CSF2RB: variants seen among roughly 807,000 people sequenced by gnomAD.
CSF2RB encodes the protein colony stimulating factor 2 receptor subunit beta.
CSF2RB carries 22 observed loss-of-function variants against 67.2 expected under a neutral mutation model. That is an observed-to-expected ratio of 0.33 (90% CI 0.23 to 0.47). CSF2RB has a LOEUF of 0.47. Among genes scored for constraint, CSF2RB ranks in the 20% least tolerant of loss-of-function variants. The pLI is 1.00. For missense variants in CSF2RB, 1,113 were observed against 1,174.5 expected (o/e 0.95, Z 0.76); for synonymous variants, 507 against 482.9 (o/e 1.05, Z -0.65).
intron 4 of CSF2RB, among the ~76,000 whole-genome samples, chr22:36,928,986 C>T (rs920851105): frequency 6.6e-6 from 1 of 152,160 alleles, no homozygotes; most frequent in East Asian, 1.9e-4. Flanking sequence ...TTGCCCGGGG[C>T]ACTGACAACA....
intron 6 of CSF2RB, 47 bp downstream of exon 6, chr22:36,929,854 C>T (rs1941111651): frequency 2.5e-6 from 4 of 1,590,328 alleles, no homozygotes; most frequent in Non-Finnish European, 2.6e-6. Flanking sequence ...GGAGGGCAGG[C>T]TCATCAGGAG....
At chr22:36,936,801 G>A in intron 13 of CSF2RB, 149 bp downstream of exon 13, 1 of 630,936 alleles carries the variant, frequency 1.6e-6, no homozygotes, top group Non-Finnish European at 2.7e-6. Flanking sequence ...GGAGGCACCT[G>A]GGGGGGATGT....
rs1444823773 is a variant in CSF2RB, at chr22:36,938,353, A to G, written c.2545A>G (p.Lys849Glu). The change falls in exon 14 of 14, where the codon AAG becomes GAG. Residue 849 changes from lysine (K) to glutamate (E), a missense_variant. Coordinates refer to ENST00000403662, the MANE Select transcript of CSF2RB (RefSeq NM_000395.3). ...PSSPGPGPEI[K>E]NLDQAFQVKK... ...TTCCCCGGGACCCGGTCCTGAGATCAAGAACCTAGACCAGGCTTTTCAAGT... is the reference window on the plus strand; with the variant it reads ...TTCCCCGGGACCCGGTCCTGAGATCGAGAACCTAGACCAGGCTTTTCAAGT... The G allele has an allele frequency of 3.7e-6, 6 of 1,614,146 alleles. No homozygotes were observed. Among genetic ancestry groups the G allele is most frequent in the East Asian group, 2.2e-5 (1 of 44,884 alleles).
rs369896556 is a variant in CSF2RB, at chr22:36,937,439, A to G, written c.1631A>G (p.His544Arg). 3.8e-5 allele frequency: 61 copies of G among 1,613,898 alleles called. No individual in the cohort carries two copies. The highest frequency in any genetic ancestry group is 4.9e-5 in the Non-Finnish European group (58 of 1,179,974). The change falls in exon 14 of 14, where the codon CAT becomes CGT. Residue 544 changes from histidine to arginine, a missense_variant. Coordinates refer to ENST00000403662, the MANE Select transcript of CSF2RB (RefSeq NM_000395.3). This position sits in a 1 kb window ranked among gnomAD's most constrained non-coding sequence, Gnocchi z 4.6. ...CCTCTCACCATAGAGGACCCCAAGCATGTCTGTGATCCACCATCTGGGCCT... is the reference window on the plus strand; with the variant it reads ...CCTCTCACCATAGAGGACCCCAAGCGTGTCTGTGATCCACCATCTGGGCCT... ...VSPLTIEDPK[H>R]VCDPPSGPDT...
At chr22:36,928,315 T>C (rs1019965616) in intron 4 of CSF2RB, among the ~76,000 whole-genome samples, 5 of 152,054 alleles carry the variant, frequency 3.3e-5, no homozygotes, top group Admixed American at 6.5e-5. Context: ...GTCTGCGCAG[T>C]TTGTGGCAGC....
At chr22:36,932,671 A>C (rs2145812782) in intron 8 of CSF2RB, 94 bp from the exon 9 acceptor site, 1 of 1,450,826 alleles carries the variant, frequency 6.9e-7, no homozygotes. Context: ...GTCTGGTGCC[A>C]GTGGAGACAG....
Position 36,937,247 on chromosome 22 carries a change from T to C in CSF2RB, c.1569-130T>C, listed in dbSNP as rs1941285900. 8.5e-7 allele frequency: 1 copy of C among 1,174,900 alleles called. No individual in the cohort carries two copies. Among genetic ancestry groups the C allele is most frequent in the Non-Finnish European group, 1.2e-6 (1 of 815,036 alleles). 72.8% of individuals were successfully genotyped at this position (1,174,900 alleles called of 1,614,324 possible). A position where few individuals can be genotyped will look rare whatever the true frequency, so the allele number is the denominator to read the frequency against. ...CTCCCTCAACCCTGTCCCGTTCAGG[T>C]TCTCTCTGTGAGATCTGGGGGACAT... On this transcript the variant is annotated intron_variant, in intron 13 of 13. Transcript: ENST00000403662. This position sits in a 1 kb window ranked among gnomAD's most constrained non-coding sequence, Gnocchi z 4.6.
chr22:36,920,993 G>T (rs1050261186), intron 1 of CSF2RB, among the ~76,000 whole-genome samples: 4 of 151,760 alleles, frequency 2.6e-5, no homozygotes, highest in Admixed American at 2.6e-4. Context: ...GATTCTGTGT[G>T]TGTGTATGTG....
chr22:36,933,932 G>A lies in CSF2RB; in HGVS notation c.1253G>A (p.Arg418His), dbSNP rs780360588. 3.0e-5 allele frequency: 49 copies of A among 1,612,352 alleles called. No homozygotes were observed. The South Asian group carries it at 3.2e-4, about 10-fold the overall frequency. The change falls in exon 10 of 14, where the codon CGC (arginine) becomes CAC (histidine). Residue 418 changes from arginine to histidine, a missense_variant. This residue lies in a region of CSF2RB where 559 missense variants were observed against 656.5 expected (regional missense o/e 0.85). Coordinates refer to ENST00000403662, the MANE Select transcript of CSF2RB (RefSeq NM_000395.3). Reference sequence around the variant, plus strand: ...GCCAGGGTGAGGGTCAGGACCTCCCGCACCGGCTACAACGGGATCTGGAGC... The same window carrying A: ...GCCAGGGTGAGGGTCAGGACCTCCCACACCGGCTACAACGGGATCTGGAGC... Reference protein sequence around the residue: ...YWARVRVRTSRTGYNGIWSEW... With the variant: ...YWARVRVRTSHTGYNGIWSEW...
In CSF2RB at chr22:36,938,622, G is replaced by C; in HGVS notation, c.*120G>C. Reference sequence around the variant, plus strand: ...CTCCTGTCAAGGTAGCTAGAGGCCTGGGAAAGGAGATAGCCTTGCTCCGGC... The same window carrying C: ...CTCCTGTCAAGGTAGCTAGAGGCCTCGGAAAGGAGATAGCCTTGCTCCGGC... On this transcript the variant is annotated 3_prime_UTR_variant, in exon 14 of 14. Coordinates refer to ENST00000403662, the MANE Select transcript of CSF2RB (RefSeq NM_000395.3). 8.9e-7 allele frequency: 1 copy of C among 1,123,042 alleles called. No homozygotes were observed. The highest frequency in any genetic ancestry group is 1.2e-6 in the Non-Finnish European group (1 of 807,414). The allele number at this position is 1,123,042 out of a possible 1,614,324, so 69.6% of individuals were successfully genotyped here.
Position 36,937,765 on chromosome 22 carries a change from G to A in CSF2RB, c.1957G>A (p.Glu653Lys), listed in dbSNP as rs1250802314. 3 of 1,576,306 alleles carry A rather than the reference G, an allele frequency of 1.9e-6. No individual in the cohort carries two copies. Among genetic ancestry groups the A allele is most frequent in the Non-Finnish European group, 2.6e-6 (3 of 1,160,830 alleles). The part of the protein sequence containing the change: ...AQAMGPGQAV[E>K]VERRPSQGAA... ...GGCGATGGGACCAGGACAGGCCGTG[G>A]AAGTGGAGAGAAGGCCGAGCCAGGG... Residue 653 changes from glutamate (E) to lysine (K), a missense_variant, in exon 14 of 14, where the codon GAA (glutamate) becomes AAA (lysine). Glu to Lys is a moderately conservative substitution (Grantham distance 56, BLOSUM62 1). Coordinates refer to ENST00000403662, the MANE Select transcript of CSF2RB (RefSeq NM_000395.3). The surrounding 1 kb of genome is among the most constrained non-coding windows in gnomAD (Gnocchi z 4.6).
intron 4 of CSF2RB, among the ~76,000 whole-genome samples, chr22:36,926,496 G>A (rs1030521387): frequency 6.6e-6 from 1 of 152,232 alleles, no homozygotes; most frequent in Non-Finnish European, 1.5e-5. Context: ...CCGCTTAGTT[G>A]TTTCATCTCA....
At position 36,939,527 on chromosome 22, in the gene CSF2RB, T is replaced by C; in HGVS notation, c.*1025T>C. The C allele has an allele frequency of 2.8e-6, 1 of 350,934 alleles. No homozygotes were observed. Among genetic ancestry groups the C allele is most frequent in the Non-Finnish European group, 5.3e-6 (1 of 189,400 alleles). The allele number at this position is 350,934 out of a possible 1,614,324, so 21.7% of individuals were successfully genotyped here. On this transcript the variant is annotated 3_prime_UTR_variant, in exon 14 of 14. Transcript: ENST00000403662. ...AGGGATTATGGTTCTTTTAAATCTT[T>C]GCCTTTCAGATACAGGAAAAATAAT...
chr22:36,923,004 G>A (rs1940915167), intron 2 of CSF2RB, among the ~76,000 whole-genome samples: 3 of 152,172 alleles, frequency 2.0e-5, no homozygotes, highest in South Asian at 2.1e-4. Flanking sequence ...ACACTGCGGA[G>A]GCCCAGAAAC....
chr22:36,938,299 G>A lies in CSF2RB; in HGVS notation c.2491G>A (p.Gly831Ser), dbSNP rs558205050. 572 of 1,614,172 alleles carry A rather than the reference G, an allele frequency of 3.5e-4. 6 individuals carry two copies. In the South Asian group the frequency reaches 5.7e-3, roughly 16 times the overall value. ...TTGCTTCCTCCCCGGCCTGGGGCCC[G>A]GCCCTCTCTCGCTCCGGAGTAAACC... ...DYCFLPGLGP[G>S]PLSLRSKPSS... The change falls in exon 14 of 14, where the codon GGC becomes AGC. Residue 831 changes from glycine to serine, a missense_variant. Around this residue, in one of 2 missense-constraint regions of CSF2RB, gnomAD observed 554 missense variants for 517.9 expected, o/e 1.07. Coordinates refer to ENST00000403662, the MANE Select transcript of CSF2RB (RefSeq NM_000395.3).
rs1028413598 is a variant in CSF2RB at position 36,934,371 on chromosome 22, G to A, written c.1315+377G>A. ...CCTTCCCTCCCTTGGACCACTAGTCGTTGGAAAGTGACACCTGGTGTTCAG... is the reference window on the plus strand; with the variant it reads ...CCTTCCCTCCCTTGGACCACTAGTCATTGGAAAGTGACACCTGGTGTTCAG... On this transcript the variant is annotated intron_variant, in intron 10 of 13. Transcript: ENST00000403662. 1.4e-4 allele frequency among the ~76,000 whole-genome samples: 21 copies of A among 152,292 alleles called. 1 individual carries two copies. The highest frequency in any genetic ancestry group is 3.4e-3 in the Middle Eastern group (1 of 294).
Position 36,940,285 on chromosome 22 carries a change from A to G in CSF2RB, c.*1783A>G, listed in dbSNP as rs1237312890. 2.0e-5 allele frequency: 3 copies of G among 152,256 alleles called. No homozygotes were observed. Among genetic ancestry groups the G allele is most frequent in the Non-Finnish European group, 4.4e-5 (3 of 68,052 alleles). The allele number at this position is 152,256 out of a possible 1,614,324, so 9.4% of individuals were successfully genotyped here. On this transcript the variant is annotated 3_prime_UTR_variant, in exon 14 of 14. Transcript: ENST00000403662. ...TGAATGTTCAATGGTCCTGAAATACATAACAACATTTTAGTACATTGTAAA... is the reference window on the plus strand; with the variant it reads ...TGAATGTTCAATGGTCCTGAAATACGTAACAACATTTTAGTACATTGTAAA...
Position 36,938,068 on chromosome 22 carries a change from G to A in CSF2RB, c.2260G>A (p.Gly754Arg). Residue 754 changes from glycine (G) to arginine (R), a missense_variant, in exon 14 of 14, where the codon GGA becomes AGA. Transcript: ENST00000403662. ...LCPGLASGPP[G>R]APGPVKSGFE... ...TCCTGGGCTGGCCAGTGGACCCCCT[G>A]GAGCCCCAGGCCCTGTGAAGTCAGG... 1.2e-6 allele frequency: 2 copies of A among 1,614,114 alleles called. No individual in the cohort carries two copies. Among genetic ancestry groups the A allele is most frequent in the Non-Finnish European group, 1.7e-6 (2 of 1,180,010 alleles).
At chr22:36,929,900 G>A in intron 6 of CSF2RB, 93 bp downstream of exon 6, 2 of 1,494,886 alleles carry the variant, frequency 1.3e-6, no homozygotes, top group Non-Finnish European at 1.8e-6. Flanking sequence ...CTCCACCTGG[G>A]GGCTTCCCAG....
Sources: gnomAD v4.1 joint callset for allele counts (sites outside exome capture counted in the v4.1 genomes callset) on GRCh38, gnomAD v4.1.1 for gene constraint, gnomAD v4.1.1 regional missense constraint, Gnocchi (gnomAD v3.1) non-coding constraint, MANE v1.5 for transcripts, NCBI Gene and HGNC (gene_info 2026-07-23, HGNC 2026-07-21) for gene names.